NRXN1: variants seen among roughly 807,000 people sequenced by gnomAD.
The protein encoded by NRXN1 is neurexin-1.
NRXN1 carries 39 observed loss-of-function variants against 150.9 expected under a neutral mutation model. That is an observed-to-expected ratio of 0.26 (90% CI 0.20 to 0.34). NRXN1 has a LOEUF of 0.34. Among genes scored for constraint, NRXN1 ranks in the 10% least tolerant of loss-of-function variants. The pLI is 1.00. For missense variants in NRXN1, 1,815 were observed against 1,949.9 expected, an observed-to-expected ratio of 0.93 and a Z score of 1.30; for synonymous variants, 924 against 757.0, an observed-to-expected ratio of 1.22 and a Z score of -3.62.
chr2:50,139,510 G>A (rs1180044444), intron 18 of NRXN1, among the ~76,000 whole-genome samples: 2 of 152,132 alleles, frequency 1.3e-5, no homozygotes, highest in Admixed American at 6.6e-5. Context: ...GCAAAAGTAT[G>A]ACGGACAGCT....
chr2:50,933,973 G>C (rs568248343), intron 2 of NRXN1, among the ~76,000 whole-genome samples: 1 of 151,982 alleles, frequency 6.6e-6, no homozygotes, highest in African/African-American at 2.4e-5. Flanking sequence ...ATGACTACCG[G>C]CAAGTCTGCA....
chr2:50,393,515 CAG>C (rs1408259753), intron 17 of NRXN1, among the ~76,000 whole-genome samples: 1 of 151,974 alleles, frequency 6.6e-6, no homozygotes, highest in Non-Finnish European at 1.5e-5. Context: ...CTGTGGAAAA[CAG>C]AAAGAACTTA....
intron 17 of NRXN1, among the ~76,000 whole-genome samples, chr2:50,296,729 A>C (rs2073618084): frequency 6.6e-6 from 1 of 151,966 alleles, no homozygotes; most frequent in Admixed American, 6.6e-5. Context: ...CAGACTCTGA[A>C]AGTGCTGGGA....
intron 18 of NRXN1, among the ~76,000 whole-genome samples, chr2:50,096,727 A>G (rs1700275764): frequency 6.6e-6 from 1 of 152,244 alleles, no homozygotes; most frequent in Non-Finnish European, 1.5e-5. Context: ...AATGGTAATT[A>G]TTGATTTTTT....
intron 5 of NRXN1, among the ~76,000 whole-genome samples, chr2:50,756,965 T>C (rs1701217606): frequency 6.6e-6 from 1 of 151,868 alleles, no homozygotes; most frequent in South Asian, 2.1e-4. Context: ...ACGGCTGTGT[T>C]GCTGTGGCTA....
chr2:50,188,244 A>G (rs2061214828), intron 18 of NRXN1, among the ~76,000 whole-genome samples: 1 of 152,156 alleles, frequency 6.6e-6, no homozygotes, highest in African/African-American at 2.4e-5. Context: ...TTGATCTTTG[A>G]CAAACCTGAC....
At chr2:50,169,721 A>G (rs1432741920) in intron 18 of NRXN1, among the ~76,000 whole-genome samples, 1 of 150,388 alleles carries the variant, frequency 6.6e-6, no homozygotes, top group African/African-American at 2.5e-5. Flanking sequence ...CAAAAAAAAA[A>G]AAAAAAAGAA....
chr2:50,820,054 A>G (rs1669496872), intron 5 of NRXN1, among the ~76,000 whole-genome samples: 1 of 152,030 alleles, frequency 6.6e-6, no homozygotes, highest in African/African-American at 2.4e-5. Context: ...GCATGGACTA[A>G]CCAGGACTCA....
At chr2:50,720,388 G>C (rs973132245) in intron 5 of NRXN1, among the ~76,000 whole-genome samples, 4 of 152,002 alleles carry the variant, frequency 2.6e-5, no homozygotes, top group African/African-American at 9.7e-5. Flanking sequence ...GCATCTTCCA[G>C]TTAATTTGAA....
chr2:49,948,873 A>T (rs1298387498), intron 21 of NRXN1, among the ~76,000 whole-genome samples: 2 of 151,944 alleles, frequency 1.3e-5, no homozygotes, highest in Admixed American at 6.6e-5. Context: ...TTAGCTTTAC[A>T]TAACAGTCCA....
At chr2:50,167,174 C>T (rs917135852) in intron 18 of NRXN1, among the ~76,000 whole-genome samples, 6 of 152,058 alleles carry the variant, frequency 3.9e-5, no homozygotes, top group African/African-American at 1.4e-4. Context: ...TGATGAGGAA[C>T]TAAAAGAAAA....
chr2:50,008,105 A>G (rs1166893531), intron 21 of NRXN1, among the ~76,000 whole-genome samples: 1 of 152,210 alleles, frequency 6.6e-6, no homozygotes, highest in Non-Finnish European at 1.5e-5. Flanking sequence ...TTTATACATC[A>G]AGATCCTTGC....
intron 17 of NRXN1, among the ~76,000 whole-genome samples, chr2:50,293,332 C>G (rs1182481646): frequency 1.3e-5 from 2 of 151,982 alleles, no homozygotes; most frequent in Admixed American, 6.6e-5. Context: ...GCCCAAAGTG[C>G]CTTTCATATT....
chr2:50,045,485 C>T (rs1249217923), intron 21 of NRXN1, among the ~76,000 whole-genome samples: 1 of 152,158 alleles, frequency 6.6e-6, no homozygotes, highest in Non-Finnish European at 1.5e-5. Flanking sequence ...GCTGGGACTA[C>T]AGGCGCGTGC....
chr2:51,011,185 C>T (rs933278227), intron 2 of NRXN1, among the ~76,000 whole-genome samples: 1 of 151,982 alleles, frequency 6.6e-6, no homozygotes, highest in African/African-American at 2.4e-5. Flanking sequence ...CATTTACTAG[C>T]TATTTGATAT....
chr2:51,022,777 T>C (rs745900465), intron 2 of NRXN1, among the ~76,000 whole-genome samples: 8 of 152,166 alleles, frequency 5.3e-5, no homozygotes, highest in Non-Finnish European at 7.4e-5. Flanking sequence ...TACAAAATAT[T>C]TTCCTTTATT....
At chr2:50,645,284 C>T (rs1684663630) in intron 5 of NRXN1, among the ~76,000 whole-genome samples, 1 of 151,778 alleles carries the variant, frequency 6.6e-6, no homozygotes, top group Admixed American at 6.6e-5. Flanking sequence ...AGACACATCC[C>T]AGAAAATCAG....
chr2:50,178,018 T>C (rs1228723487), intron 18 of NRXN1, among the ~76,000 whole-genome samples: 1 of 152,072 alleles, frequency 6.6e-6, no homozygotes, highest in African/African-American at 2.4e-5. Context: ...AGGCCTCAGT[T>C]TCTCATATGT....
At chr2:50,995,495 C>T (rs1409580062) in intron 2 of NRXN1, among the ~76,000 whole-genome samples, 8 of 151,338 alleles carry the variant, frequency 5.3e-5, no homozygotes, top group Admixed American at 5.3e-4. Context: ...GTCCCAACTA[C>T]TGTGGAGCCT....
Sources: allele counts gnomAD v4.1 joint callset (sites outside exome capture counted in the v4.1 genomes callset), GRCh38; gene constraint gnomAD v4.1.1; transcripts MANE v1.5; gene names NCBI Gene and HGNC (gene_info 2026-07-23, HGNC 2026-07-21).